The following RRM1 variants were observed in gnomAD, a reference collection of about 807,000 sequenced individuals.
RRM1 encodes ribonucleoside-diphosphate reductase large subunit.
Under a neutral mutation model 101.5 loss-of-function variants are expected in RRM1, and 19 were observed. The ratio of observed to expected loss-of-function variants is 0.19; its 90% CI spans 0.13 to 0.27. RRM1 has a LOEUF of 0.27. Ranked by LOEUF, RRM1 falls within the 10% of genes least tolerant of loss-of-function variation. The pLI is 1.00. For missense variants in RRM1, 500 were observed against 962.9 expected (o/e 0.52, Z 6.36); for synonymous variants, 298 against 323.4 (o/e 0.92, Z 0.84).
intron 1 of RRM1, among the ~76,000 whole-genome samples, chr11:4,101,774 A>G (rs2094551750): frequency 6.6e-6 from 1 of 152,254 alleles, no homozygotes; most frequent in Non-Finnish European, 1.5e-5. Context: ...TTAGGAAATT[A>G]TCCGTAAACG....
intron 7 of RRM1, among the ~76,000 whole-genome samples, chr11:4,117,188 A>C (rs529475516): frequency 3.3e-5 from 5 of 152,358 alleles, no homozygotes; most frequent in African/African-American, 1.2e-4. Context: ...GCACAAGGAA[A>C]TCTCATACAT....
chr11:4,133,887 G>T (rs1378004349), intron 17 of RRM1, among the ~76,000 whole-genome samples: 2 of 151,300 alleles, frequency 1.3e-5, no homozygotes, highest in East Asian at 3.9e-4. Context: ...CAATTTTTCT[G>T]CATCTTAGAA....
In RRM1 at chr11:4,111,635, GA is replaced by G; in HGVS notation, c.486del (p.Val163TrpfsTer9). On this transcript the variant is annotated frameshift_variant, in exon 6 of 19. Coordinates refer to ENST00000300738, the MANE Select transcript of RRM1 (RefSeq NM_001033.5). LOFTEE classifies it high-confidence loss of function. Reference protein sequence around the residue: ...LERSYLLKINGKVAERPQHML... With the variant: ...LERSYLLKINXKVAERPQHML... ...CGGTCTTATTTGTTGAAGATCAATG[GA>G]AAAGGTGAGAAATGAACATGTTTGT... 2 of 1,601,812 alleles carry G rather than the reference GA, an allele frequency of 1.2e-6. No homozygotes were observed. The highest frequency in any genetic ancestry group is 1.7e-6 in the Non-Finnish European group (2 of 1,172,594).
intron 14 of RRM1, among the ~76,000 whole-genome samples, chr11:4,128,788 TAAAA>T (rs999204911): frequency 2.6e-5 from 4 of 152,270 alleles, no homozygotes; most frequent in African/African-American, 9.6e-5. Flanking sequence ...TTTTTAGTGT[TAAAA>T]AAAGAGAATG....
intron 7 of RRM1, among the ~76,000 whole-genome samples, chr11:4,114,482 G>A (rs1264795838): frequency 3.4e-5 from 5 of 147,832 alleles, no homozygotes; most frequent in Non-Finnish European, 4.5e-5. Flanking sequence ...CCTGGAAGGC[G>A]GAGGTTGCAG....
At chr11:4,108,597 C>CAAAAAAA (rs754848612) in intron 4 of RRM1, among the ~76,000 whole-genome samples, 27 of 72,940 alleles carry the variant, frequency 3.7e-4, no homozygotes, top group Non-Finnish European at 4.1e-4. Flanking sequence ...GACTCAGTCT[C>CAAAAAAA]AAAAAAAAAA....
At position 4,138,597 on chromosome 11, in the gene RRM1, A is replaced by G; in HGVS notation, c.*214A>G. The G allele has an allele frequency of 2.7e-6, 1 of 365,098 alleles. No homozygotes were observed. Among genetic ancestry groups the G allele is most frequent in the Non-Finnish European group, 4.8e-6 (1 of 206,312 alleles). 22.6% of individuals were successfully genotyped at this position (365,098 alleles called of 1,614,324 possible). A position where few individuals can be genotyped will look rare whatever the true frequency, so the allele number is the denominator to read the frequency against. On this transcript the variant is annotated 3_prime_UTR_variant, in exon 19 of 19. Transcript: ENST00000300738. ...CACCAAAATAATGCTTTTGAAAAAA[A>G]GAAAAAAAAAACGGATATATTGAGA...
chr11:4,106,090 C>G lies in RRM1; in HGVS notation c.153C>G (p.Val51=). Residue 51 remains valine, a synonymous_variant, in exon 3 of 19, where the codon GTC becomes GTG. Coordinates refer to ENST00000300738, the MANE Select transcript of RRM1 (RefSeq NM_001033.5). ...MKVIQGLYSG[V]TTVELDTLAA... is the part of the protein sequence containing the mutation. ...TAATCCAAGGCTTGTACAGTGGGGT[C>G]ACCACAGTGGAACTAGATACTTTGG... 5.0e-6 allele frequency: 8 copies of G among 1,613,956 alleles called. No individual in the cohort carries two copies. Among genetic ancestry groups the G allele is most frequent in the Non-Finnish European group, 6.8e-6 (8 of 1,179,934 alleles).
At chr11:4,127,459 C>G (rs1391866559) in intron 14 of RRM1, among the ~76,000 whole-genome samples, 1 of 152,198 alleles carries the variant, frequency 6.6e-6, no homozygotes, top group African/African-American at 2.4e-5. Context: ...AGCCCTAAAT[C>G]TAATGACAGT....
chr11:4,126,374 T>C lies in RRM1; in HGVS notation c.1321-310T>C, dbSNP rs574048180. ...TCTACTGAATAATGAGATAGGTATA[T>C]GTAAAAAGCTAATTATAACATAGTG... is the stretch of plus-strand genomic sequence containing the variant. On this transcript the variant is annotated intron_variant, in intron 12 of 18. Transcript: ENST00000300738. Among the ~76,000 whole-genome samples, 369 of 152,350 alleles carry C rather than the reference T, an allele frequency of 2.4e-3. 1 individual carries two copies. Among genetic ancestry groups the C allele is most frequent in the African/African-American group, 8.0e-3 (332 of 41,590 alleles).
chr11:4,107,444 A>T lies in RRM1; in HGVS notation c.296A>T (p.Glu99Val). ...TTGTTGTATTTTTTAGATGTGATGGAAGACCTCTATAACTACATAAATCCA... is the reference window on the plus strand; with the variant it reads ...TTGTTGTATTTTTTAGATGTGATGGTAGACCTCTATAACTACATAAATCCA... ...ETKKVFSDVM[E>V]DLYNYINPHN... The change falls in exon 4 of 19, where the codon GAA becomes GTA. Residue 99 changes from glutamate (E) to valine (V), a missense_variant. Around this residue, in one of 9 missense-constraint regions of RRM1, gnomAD observed 41 missense variants for 40.7 expected, o/e 1.01. Coordinates refer to ENST00000300738, the MANE Select transcript of RRM1 (RefSeq NM_001033.5). The T allele has an allele frequency of 6.2e-7, 1 of 1,604,818 alleles. No individual in the cohort carries two copies.
chr11:4,096,111 G>A (rs2094543219), intron 1 of RRM1, among the ~76,000 whole-genome samples: 1 of 152,100 alleles, frequency 6.6e-6, no homozygotes, highest in African/African-American at 2.4e-5. Flanking sequence ...CTGTAACCTT[G>A]AAGTCCTGGG....
intron 7 of RRM1, 72 bp downstream of exon 7, chr11:4,112,134 A>G: frequency 2.5e-6 from 3 of 1,204,580 alleles, no homozygotes; most frequent in Admixed American, 4.4e-5. Context: ...CATAAAAAAT[A>G]ATTTAATGAC....
intron 1 of RRM1, among the ~76,000 whole-genome samples, chr11:4,096,227 T>C (rs1283719411): frequency 6.6e-6 from 1 of 152,216 alleles, no homozygotes; most frequent in Non-Finnish European, 1.5e-5. Flanking sequence ...GGAGTCTTGC[T>C]GTGTTTCCCA....
In RRM1 at chr11:4,107,671, C is replaced by CT; in HGVS notation, c.387+137dup. 3 of 608,466 alleles carry CT rather than the reference C, an allele frequency of 4.9e-6. No homozygotes were observed. In the South Asian group the frequency reaches 6.2e-5, roughly 13 times the overall value. 37.7% of individuals were successfully genotyped at this position (608,466 alleles called of 1,614,324 possible). A position where few individuals can be genotyped will look rare whatever the true frequency, so the allele number is the denominator to read the frequency against. ...TCCTACCCTGATTCCTGATTTTCCTCTCTAGAAACAACTTTATCATTTTAA... is the reference window on the plus strand; with the variant it reads ...TCCTACCCTGATTCCTGATTTTCCTCTTCTAGAAACAACTTTATCATTTTAA... On this transcript the variant is annotated intron_variant, in intron 4 of 18. Coordinates refer to ENST00000300738, the MANE Select transcript of RRM1 (RefSeq NM_001033.5).
At chr11:4,119,698 C>T in intron 8 of RRM1, 147 bp from the exon 9 acceptor site, 5 of 623,606 alleles carry the variant, frequency 8.0e-6, no homozygotes, top group South Asian at 1.8e-5. Context: ...GGCATTTTTC[C>T]AAAGCAGAAG....
chr11:4,104,130 C>T (rs1329072362), intron 2 of RRM1, among the ~76,000 whole-genome samples: 3 of 152,010 alleles, frequency 2.0e-5, no homozygotes, highest in Non-Finnish European at 1.5e-5. Context: ...AAAAGAAAAA[C>T]TGTGTGCTGT....
chr11:4,105,964 A>T, intron 2 of RRM1, 82 bp from the exon 3 acceptor site: 1 of 1,182,492 alleles, frequency 8.5e-7, no homozygotes, highest in Non-Finnish European at 1.2e-6. Flanking sequence ...ACACCTGGCC[A>T]TGATGGTTTT....
intron 15 of RRM1, among the ~76,000 whole-genome samples, chr11:4,129,626 A>T (rs1197299105): frequency 6.6e-6 from 1 of 152,124 alleles, no homozygotes; most frequent in African/African-American, 2.4e-5. Context: ...AAAAATTTTT[A>T]AATTGAGTTT....
Sources: gnomAD v4.1 joint callset for allele counts (sites outside exome capture counted in the v4.1 genomes callset) on GRCh38, gnomAD v4.1.1 for gene constraint, gnomAD v4.1.1 regional missense constraint, MANE v1.5 for transcripts, NCBI Gene and HGNC (gene_info 2026-07-23, HGNC 2026-07-21) for gene names.